FBXO34: variants seen among roughly 807,000 people sequenced by gnomAD.
The protein encoded by FBXO34 is F-box protein 34.
A neutral mutation model predicts 24.5 loss-of-function variants in FBXO34; 12 were observed. The ratio of observed to expected loss-of-function variants is 0.49; its 90% CI spans 0.31 to 0.79. FBXO34 has a LOEUF of 0.79. Ranked by LOEUF, FBXO34 falls within the 30% of genes least tolerant of loss-of-function variation. The pLI is 0.04. For missense variants in FBXO34, 823 were observed against 857.7 expected (o/e 0.96, Z 0.51); for synonymous variants, 320 against 311.9 (o/e 1.03, Z -0.27).
intron 1 of FBXO34, among the ~76,000 whole-genome samples, chr14:55,309,284 G>A (rs192231612): frequency 6.6e-6 from 1 of 152,250 alleles, no homozygotes; most frequent in East Asian, 1.9e-4. Flanking sequence ...TTTGGACACT[G>A]CTGGTTTTTT....
intron 1 of FBXO34, among the ~76,000 whole-genome samples, chr14:55,308,279 T>C (rs958881375): frequency 1.3e-5 from 2 of 152,246 alleles, no homozygotes; most frequent in East Asian, 1.9e-4. Flanking sequence ...AAGAGACTTA[T>C]TACTAAGGTC....
chr14:55,343,194 T>C (rs1884047076), intron 1 of FBXO34, among the ~76,000 whole-genome samples: 1 of 152,098 alleles, frequency 6.6e-6, no homozygotes, highest in Non-Finnish European at 1.5e-5. Flanking sequence ...AAAGGTATTA[T>C]ATAATGAGAA....
At chr14:55,413,586 C>G in the FBXO34 span, 1 of 443,230 alleles carries the variant, frequency 2.3e-6, no homozygotes, top group South Asian at 1.9e-5. Flanking sequence ...GAATAGGTTC[C>G]AGCAGCCCAG....
chr14:55,426,713 TA>T, the FBXO34 span, among the ~76,000 whole-genome samples: 114 of 145,722 alleles, frequency 7.8e-4, no homozygotes, highest in Middle Eastern at 3.5e-3. Flanking sequence ...CTGGCCAGAT[TA>T]AAAAAAAAAA....
chr14:55,390,042 G>C, the FBXO34 span, among the ~76,000 whole-genome samples: 4 of 151,632 alleles, frequency 2.6e-5, no homozygotes, highest in African/African-American at 9.7e-5. Flanking sequence ...TGAGCTTCCT[G>C]CTAGCCAAGG....
intron 1 of FBXO34, chr14:55,298,991 TGATGAGTTAATGCAG>T: frequency 1.2e-6 from 2 of 1,608,338 alleles, no homozygotes; most frequent in Non-Finnish European, 1.7e-6. Flanking sequence ...TCGATAAAGT[TGATGAGTTAATGCAG>T]GACATTGCTG....
At chr14:55,410,986 C>G in the FBXO34 span, among the ~76,000 whole-genome samples, 1 of 152,204 alleles carries the variant, frequency 6.6e-6, no homozygotes, top group African/African-American at 2.4e-5. Context: ...TAAAAGCATG[C>G]AGCTCCCAAT....
chr14:55,291,931 T>C (rs547138402), intron 1 of FBXO34, among the ~76,000 whole-genome samples: 13 of 152,032 alleles, frequency 8.6e-5, no homozygotes, highest in African/African-American at 2.4e-4. Context: ...GCACCACCGC[T>C]CTCCAGCCTG....
chr14:55,439,258 G>T, the FBXO34 span, among the ~76,000 whole-genome samples: 1 of 136,668 alleles, frequency 7.3e-6, no homozygotes, highest in East Asian at 2.5e-4. Context: ...GGATTTTTAA[G>T]TCTTAAGAGT....
chr14:55,332,755 T>C (rs544344491), intron 1 of FBXO34, among the ~76,000 whole-genome samples: 1 of 152,334 alleles, frequency 6.6e-6, no homozygotes, highest in Non-Finnish European at 1.5e-5. Context: ...TAATGGCTAC[T>C]TCTGTAGCTA....
chr14:55,381,887 C>T, the FBXO34 span: 11 of 1,282,670 alleles, frequency 8.6e-6, no homozygotes, highest in African/African-American at 1.5e-4. Flanking sequence ...CACTTGAAAG[C>T]TCTTCATTTT....
intron 1 of FBXO34, among the ~76,000 whole-genome samples, chr14:55,333,100 G>A: frequency 6.6e-6 from 1 of 152,174 alleles, no homozygotes; most frequent in Non-Finnish European, 1.5e-5. Context: ...AGGTGACCTT[G>A]CCTCCTGCTT....
chr14:55,290,104 T>A (rs1881892865), intron 1 of FBXO34, among the ~76,000 whole-genome samples: 1 of 151,954 alleles, frequency 6.6e-6, no homozygotes, highest in Non-Finnish European at 1.5e-5. Context: ...AATTGAGGCA[T>A]AATTTGGCCG....
At chr14:55,271,805 G>C (rs1275657587) in intron 1 of FBXO34, 1 of 151,708 alleles carries the variant, frequency 6.6e-6, no homozygotes, top group East Asian at 2.0e-4. Flanking sequence ...TAGGGAGCGG[G>C]GTCCTGGGTC....
At chr14:55,403,104 G>C in the FBXO34 span, among the ~76,000 whole-genome samples, 1 of 150,302 alleles carries the variant, frequency 6.7e-6, no homozygotes, top group African/African-American at 2.4e-5. Context: ...GGATGGCAGA[G>C]TGAGAACCTG....
chr14:55,368,262 C>T (rs1359382036), downstream of FBXO34: 1 of 152,582 alleles, frequency 6.6e-6, no homozygotes, highest in East Asian at 1.9e-4. Flanking sequence ...CTCTTGTTGC[C>T]CAGGCTGGAG....
the FBXO34 span, among the ~76,000 whole-genome samples, chr14:55,432,227 G>C: frequency 1.4e-5 from 2 of 147,204 alleles, no homozygotes; most frequent in Non-Finnish European, 3.0e-5. Context: ...GGGCAATATG[G>C]GGAAACCCCC....
intron 1 of FBXO34, among the ~76,000 whole-genome samples, chr14:55,331,667 GTGTGTATATATATATAT>G (rs1883543687): frequency 1.8e-5 from 1 of 54,072 alleles, no homozygotes; most frequent in African/African-American, 9.8e-5. Flanking sequence ...CCAACATGGT[GTGTGTATATATATATAT>G]GTGTATATAT....
At chr14:55,311,422 C>A (rs1882736148) in intron 1 of FBXO34, among the ~76,000 whole-genome samples, 1 of 152,184 alleles carries the variant, frequency 6.6e-6, no homozygotes, top group Admixed American at 6.5e-5. Flanking sequence ...CCTTCCTAAT[C>A]TCATGTCCCT....
Sources: allele counts gnomAD v4.1 joint callset (sites outside exome capture counted in the v4.1 genomes callset), GRCh38; gene constraint gnomAD v4.1.1; transcripts MANE v1.5; gene names NCBI Gene and HGNC (gene_info 2026-07-23, HGNC 2026-07-21).